Variants in CACNA1C observed in about 807,000 individuals in gnomAD.
CACNA1C encodes the protein calcium voltage-gated channel subunit alpha1 C, also known as voltage-dependent L-type calcium channel subunit alpha-1C.
CACNA1C carries 30 observed loss-of-function variants against 229.0 expected under a neutral mutation model. The ratio of observed to expected loss-of-function variants is 0.13; its 90% CI spans 0.10 to 0.18. CACNA1C has a LOEUF of 0.18. Ranked by LOEUF, CACNA1C falls within the 10% of genes least tolerant of loss-of-function variation. CACNA1C has a pLI of 1.00. For synonymous variants in CACNA1C, 1,114 were observed against 1,132.5 expected, an observed-to-expected ratio of 0.98 and a Z score of 0.33; for missense variants, 1,658 against 2,845.0, an observed-to-expected ratio of 0.58 and a Z score of 9.49.
chr12:2,656,359 A>G (rs2095421464), intron 34 of CACNA1C, among the ~76,000 whole-genome samples: 1 of 152,216 alleles, frequency 6.6e-6, no homozygotes, highest in African/African-American at 2.4e-5. Context: ...AAAAACTAAA[A>G]TAAAATACTT....
chr12:2,369,652 C>T (rs1246873239), intron 3 of CACNA1C, among the ~76,000 whole-genome samples: 2 of 152,180 alleles, frequency 1.3e-5, no homozygotes, highest in African/African-American at 4.8e-5. Context: ...GATCCTCCCG[C>T]CTTGGCCTCC....
chr12:2,415,916 T>C (rs1469766192), intron 3 of CACNA1C, among the ~76,000 whole-genome samples: 2 of 152,198 alleles, frequency 1.3e-5, no homozygotes, highest in Non-Finnish European at 2.9e-5. Context: ...CCTTCTCTTA[T>C]GCGCTGGGTG....
At chr12:2,037,317 T>C (rs2049320227) in intron 1 of CACNA1C, among the ~76,000 whole-genome samples, 1 of 152,256 alleles carries the variant, frequency 6.6e-6, no homozygotes, top group Non-Finnish European at 1.5e-5. Context: ...TTTAATCTTC[T>C]GCACATGTAA....
chr12:2,100,536 G>T (rs550855430), intron 1 of CACNA1C, among the ~76,000 whole-genome samples: 10 of 140,736 alleles, frequency 7.1e-5, no homozygotes, highest in Admixed American at 1.5e-4. Flanking sequence ...GATCACTTGA[G>T]CCTAGGGGTT....
intron 3 of CACNA1C, among the ~76,000 whole-genome samples, chr12:2,326,091 G>A (rs537174841): frequency 2.0e-4 from 31 of 152,284 alleles, no homozygotes; most frequent in Non-Finnish European, 4.1e-4. Flanking sequence ...GAGCGTTTTT[G>A]TTCTTCATCA....
intron 9 of CACNA1C, 134 bp from the exon 10 acceptor site, chr12:2,549,809 A>G (rs2099893746): frequency 1.5e-6 from 1 of 682,834 alleles, no homozygotes; most frequent in Admixed American, 2.1e-5. Context: ...CAGATCAGCC[A>G]GCCAGCGTGC....
intron 3 of CACNA1C, among the ~76,000 whole-genome samples, chr12:2,314,774 A>G (rs189648609): frequency 9.2e-5 from 14 of 152,014 alleles, no homozygotes; most frequent in Non-Finnish European, 1.9e-4. Flanking sequence ...TCATTGATGG[A>G]TATTTTCTGT....
At chr12:1,988,152 AC>A (rs1469860958) in intron 1 of CACNA1C, among the ~76,000 whole-genome samples, 2 of 152,178 alleles carry the variant, frequency 1.3e-5, no homozygotes, top group African/African-American at 4.8e-5. Flanking sequence ...AACAAATGAC[AC>A]CAAAATCTCA....
At chr12:2,136,612 G>A (rs1387714126) in intron 3 of CACNA1C, among the ~76,000 whole-genome samples, 2 of 151,350 alleles carry the variant, frequency 1.3e-5, no homozygotes, top group African/African-American at 2.4e-5. Context: ...AGGAGCAACA[G>A]TGAAGGAGGG....
Position 2,666,617 on chromosome 12 carries a change from T to G in CACNA1C, c.4527-69T>G, listed in dbSNP as rs771205414. On this transcript the variant is annotated intron_variant, in intron 36 of 46. Transcript: ENST00000399655. This position sits in a 1 kb window ranked among gnomAD's most constrained non-coding sequence, Gnocchi z 5.3. ...GAGTGGGCCCTACCCCTCAGGCGCA[T>G]GCGTCCTGGGCTGCTGGCAGAGACC... The G allele has an allele frequency of 1.0e-5, 10 of 982,868 alleles. No homozygotes were observed. Among genetic ancestry groups the G allele is most frequent in the Non-Finnish European group, 1.4e-5 (9 of 634,178 alleles). The allele number at this position is 982,868 out of a possible 1,614,324, so 60.9% of individuals were successfully genotyped here. A position where few individuals can be genotyped will look rare whatever the true frequency, so the allele number is the denominator to read the frequency against.
At chr12:2,200,482 C>T (rs1026152915) in intron 3 of CACNA1C, among the ~76,000 whole-genome samples, 1 of 152,166 alleles carries the variant, frequency 6.6e-6, no homozygotes, top group African/African-American at 2.4e-5. Context: ...TCCTGCCATG[C>T]ACAGGACAGC....
At chr12:2,431,204 A>C (rs1388324460) in intron 3 of CACNA1C, among the ~76,000 whole-genome samples, 1 of 152,198 alleles carries the variant, frequency 6.6e-6, no homozygotes, top group East Asian at 1.9e-4. Flanking sequence ...CTTCTGACCT[A>C]GCAGGTCTGG....
intron 13 of CACNA1C, among the ~76,000 whole-genome samples, chr12:2,574,165 C>A (rs906772119): frequency 3.9e-5 from 6 of 152,182 alleles, no homozygotes; most frequent in Non-Finnish European, 7.3e-5. Context: ...GATTCCTGCT[C>A]ATTGAAAACA....
chr12:2,444,092 T>A (rs1198388954), intron 3 of CACNA1C, among the ~76,000 whole-genome samples: 1 of 152,148 alleles, frequency 6.6e-6, no homozygotes, highest in Non-Finnish European at 1.5e-5. Context: ...TCCAGTTCTA[T>A]CTCAGACCCT....
At chr12:2,180,126 G>C (rs1362591035) in intron 3 of CACNA1C, among the ~76,000 whole-genome samples, 4 of 152,244 alleles carry the variant, frequency 2.6e-5, no homozygotes, top group Non-Finnish European at 5.9e-5. Flanking sequence ...AGTGTCTGTT[G>C]TAAGGTTGAG....
intron 8 of CACNA1C, among the ~76,000 whole-genome samples, chr12:2,507,637 G>A (rs1185928943): frequency 6.6e-6 from 1 of 152,236 alleles, no homozygotes; most frequent in Non-Finnish European, 1.5e-5. Flanking sequence ...AGCATTCTCT[G>A]TGTCAGGCTC....
chr12:2,527,080 T>C (rs2099819696), intron 9 of CACNA1C, among the ~76,000 whole-genome samples: 1 of 152,214 alleles, frequency 6.6e-6, no homozygotes, highest in African/African-American at 2.4e-5. Context: ...TACAAGAAAG[T>C]AAGGATATTA....
chr12:2,645,610 G>A (rs1185089065), intron 30 of CACNA1C, among the ~76,000 whole-genome samples: 2 of 152,168 alleles, frequency 1.3e-5, no homozygotes, highest in Non-Finnish European at 2.9e-5. Context: ...GGATGACGTG[G>A]GATCATGTAG....
At chr12:2,604,831 G>T (rs1006892978) in intron 22 of CACNA1C, among the ~76,000 whole-genome samples, 10 of 152,146 alleles carry the variant, frequency 6.6e-5, no homozygotes, top group African/African-American at 2.2e-4. Flanking sequence ...CTAATGACCT[G>T]CCATGAGCCA....
Sources: allele counts gnomAD v4.1 joint callset (sites outside exome capture counted in the v4.1 genomes callset), GRCh38; gene constraint gnomAD v4.1.1; non-coding constraint Gnocchi (gnomAD v3.1); transcripts MANE v1.5; gene names NCBI Gene and HGNC (gene_info 2026-07-23, HGNC 2026-07-21).